Variants in GPC5 observed in about 807,000 individuals in gnomAD.
GPC5 encodes the protein glypican-5.
A neutral mutation model predicts 53.9 loss-of-function variants in GPC5; 47 were observed. The observed-to-expected ratio is 0.87, with a 90% CI of 0.69 to 1.11. The LOEUF is 1.11. GPC5 is among the 50% of genes most tolerant of loss of function. The pLI is 0.00. For missense variants in GPC5, 748 were observed against 713.1 expected (o/e 1.05, Z -0.56); for synonymous variants, 286 against 263.3 (o/e 1.09, Z -0.84).
intron 2 of GPC5, among the ~76,000 whole-genome samples, chr13:91,599,996 A>G (rs145304992): frequency 6.6e-6 from 1 of 152,166 alleles, no homozygotes; most frequent in African/African-American, 2.4e-5. Flanking sequence ...ATCTTGGCTC[A>G]CTGCCACCTC....
chr13:92,329,318 A>G (rs977833898), intron 7 of GPC5, among the ~76,000 whole-genome samples: 1 of 152,152 alleles, frequency 6.6e-6, no homozygotes, highest in Admixed American at 6.6e-5. Flanking sequence ...TAAAGCAGGT[A>G]CATCACATGT....
chr13:92,606,678 G>A (rs1246946414), intron 7 of GPC5, among the ~76,000 whole-genome samples: 2 of 152,182 alleles, frequency 1.3e-5, no homozygotes, highest in East Asian at 1.9e-4. Flanking sequence ...AGGATCTGGT[G>A]TCCACATCCT....
Position 91,767,656 on chromosome 13 carries a change from G to A in GPC5, c.1280+11236G>A, listed in dbSNP as rs1033992742. ...TAGGAAAAAATGAGGTTAAACATCC[G>A]CTTTTCCCATGTGTCTACTCAGTTT... is the stretch of plus-strand genomic sequence containing the variant. On this transcript the variant is annotated intron_variant, in intron 5 of 7. Coordinates refer to ENST00000377067, the MANE Select transcript of GPC5 (RefSeq NM_004466.6). Among the ~76,000 whole-genome samples the A allele has an allele frequency of 8.5e-5, 13 of 152,252 alleles. No individual in the cohort carries two copies. In the South Asian group the frequency reaches 1.2e-3, roughly 15 times the overall value.
chr13:91,824,771 G>C (rs2038549993), intron 5 of GPC5, among the ~76,000 whole-genome samples: 1 of 151,942 alleles, frequency 6.6e-6, no homozygotes, highest in African/African-American at 2.4e-5. Context: ...TATATCATGG[G>C]AGAATTTCTT....
chr13:91,433,326 A>G (rs1405455284), intron 1 of GPC5, among the ~76,000 whole-genome samples: 1 of 151,100 alleles, frequency 6.6e-6, no homozygotes, highest in Non-Finnish European at 1.5e-5. Flanking sequence ...CATTAGGTAT[A>G]TCTCCAAATG....
chr13:92,695,473 A>G (rs1887531445), intron 7 of GPC5, among the ~76,000 whole-genome samples: 1 of 152,146 alleles, frequency 6.6e-6, no homozygotes, highest in African/African-American at 2.4e-5. Context: ...CATCTCCAAA[A>G]GGTAATAGAT....
At chr13:91,716,842 GCATTGT>G (rs1289709105) in intron 3 of GPC5, among the ~76,000 whole-genome samples, 1 of 152,198 alleles carries the variant, frequency 6.6e-6, no homozygotes, top group Non-Finnish European at 1.5e-5. Flanking sequence ...ATCGTCTCCT[GCATTGT>G]CATGTGACTA....
intron 6 of GPC5, among the ~76,000 whole-genome samples, chr13:92,074,027 T>C (rs1449849343): frequency 6.6e-6 from 1 of 152,200 alleles, no homozygotes; most frequent in Admixed American, 6.5e-5. Flanking sequence ...TCCCTTTTTT[T>C]CCTTTATTTA....
At chr13:92,513,084 A>G (rs1880634822) in intron 7 of GPC5, among the ~76,000 whole-genome samples, 2 of 152,218 alleles carry the variant, frequency 1.3e-5, no homozygotes, top group South Asian at 2.1e-4. Flanking sequence ...TGTATTGGAA[A>G]GGTCACCGGC....
intron 2 of GPC5, among the ~76,000 whole-genome samples, chr13:91,633,871 G>A (rs2034221171): frequency 6.6e-6 from 1 of 152,076 alleles, no homozygotes; most frequent in African/African-American, 2.4e-5. Context: ...CCTGATGGGT[G>A]GTTTTGGAAA....
At chr13:91,455,507 T>C (rs1342605356) in intron 2 of GPC5, among the ~76,000 whole-genome samples, 1 of 152,192 alleles carries the variant, frequency 6.6e-6, no homozygotes, top group Admixed American at 6.6e-5. Flanking sequence ...TTATTTATTT[T>C]CCCTTATGAA....
At chr13:91,916,207 T>A (rs9560887) in intron 6 of GPC5, among the ~76,000 whole-genome samples, 4,963 of 152,238 alleles carry the variant, frequency 0.033, 291 homozygotes, top group East Asian at 0.25. Flanking sequence ...GATGGGAATG[T>A]AAAAGTGTGC....
At chr13:92,334,530 A>C (rs1198660573) in intron 7 of GPC5, among the ~76,000 whole-genome samples, 1 of 152,050 alleles carries the variant, frequency 6.6e-6, no homozygotes, top group Non-Finnish European at 1.5e-5. Flanking sequence ...CAAAAACACA[A>C]TTATGCCCTC....
At chr13:91,700,028 A>T (rs1186258809) in intron 3 of GPC5, among the ~76,000 whole-genome samples, 9 of 152,170 alleles carry the variant, frequency 5.9e-5, no homozygotes, top group Non-Finnish European at 1.3e-4. Flanking sequence ...GATATCATAA[A>T]TTTGATACTC....
intron 4 of GPC5, among the ~76,000 whole-genome samples, chr13:91,734,101 A>C (rs542861858): frequency 6.8e-6 from 1 of 146,668 alleles, no homozygotes; most frequent in African/African-American, 2.8e-5. Context: ...GGTTTTTGTC[A>C]TAGGTTCTTT....
intron 7 of GPC5, among the ~76,000 whole-genome samples, chr13:92,858,516 G>A (rs1039876919): frequency 6.6e-6 from 1 of 152,142 alleles, no homozygotes; most frequent in Non-Finnish European, 1.5e-5. Context: ...CAGCAACATG[G>A]ATGCAGCTGG....
Position 91,740,508 on chromosome 13 carries a change from CAT to C in GPC5, c.1154+11845_1154+11846del, listed in dbSNP as rs910172133. On this transcript the variant is annotated intron_variant, in intron 4 of 7. Transcript: ENST00000377067. ...TAGCTTGGAGAGAGGGGAGCTAAAC[CAT>C]AGAGTTGGATTCTTTTATTTTGGAG... Among the ~76,000 whole-genome samples the C allele has an allele frequency of 3.0e-4, 46 of 152,168 alleles. 1 individual carries two copies. The highest frequency in any genetic ancestry group is 1.0e-3 in the African/African-American group (43 of 41,520).
In GPC5 at chr13:92,830,617, A is replaced by AT. The variant is rs529613140; in HGVS notation, c.1562-35657dup. ...AGAACACTGATACTTAAAGCATGGG[A>AT]TTTTTTTTAAAAAAGCTTTATATTA... On this transcript the variant is annotated intron_variant, in intron 7 of 7. Coordinates refer to ENST00000377067, the MANE Select transcript of GPC5 (RefSeq NM_004466.6). Among the ~76,000 whole-genome samples the AT allele has an allele frequency of 6.3e-4, 96 of 152,084 alleles. 1 individual carries two copies. Among genetic ancestry groups the AT allele is most frequent in the African/African-American group, 2.1e-3 (86 of 41,526 alleles).
intron 7 of GPC5, among the ~76,000 whole-genome samples, chr13:92,856,531 G>T (rs541408611): frequency 6.6e-6 from 1 of 152,188 alleles, no homozygotes; most frequent in African/African-American, 2.4e-5. Context: ...AATAGGAAAT[G>T]AGGAAGTCAA....
Sources: gnomAD v4.1 joint callset for allele counts (sites outside exome capture counted in the v4.1 genomes callset) on GRCh38, gnomAD v4.1.1 for gene constraint, MANE v1.5 for transcripts, NCBI Gene and HGNC (gene_info 2026-07-23, HGNC 2026-07-21) for gene names.